CPZ: variants seen among roughly 807,000 people sequenced by gnomAD.
The protein encoded by CPZ is VEZT/CPZ fusion.
A neutral mutation model predicts 61.8 loss-of-function variants in CPZ; 103 were observed. The ratio of observed to expected loss-of-function variants is 1.67; its 90% CI spans 1.42 to 1.96. CPZ has a LOEUF of 1.96. Among genes scored for constraint, CPZ ranks in the 30% most tolerant of loss-of-function variants. CPZ has a pLI of 0.00. For missense variants in CPZ, 1,461 were observed against 914.9 expected, an observed-to-expected ratio of 1.60 and a Z score of -7.70; for synonymous variants, 551 against 373.7, an observed-to-expected ratio of 1.47 and a Z score of -5.47.
rs749931394 is a variant in CPZ, at chr4:8,606,145, C to G, written c.866C>G (p.Pro289Arg). ...AACACCACCCGCATCCACCTGCTGC[C>G]CTCCATGAACCCTGACGGCTATGAG... ...LLNTTRIHLL[P>R]SMNPDGYEVA... Residue 289 changes from proline (P) to arginine (R), a missense_variant, in exon 5 of 11, where the codon CCC becomes CGC. Transcript: ENST00000360986. The G allele has an allele frequency of 6.2e-7, 1 of 1,614,142 alleles. No homozygotes were observed. Among genetic ancestry groups the G allele is most frequent in the Non-Finnish European group, 8.5e-7 (1 of 1,180,026 alleles).
chr4:8,611,245 G>C (rs1184360157), intron 7 of CPZ: 1 of 456,142 alleles, frequency 2.2e-6, no homozygotes, highest in Non-Finnish European at 4.4e-6. Context: ...TCGCCTGCCT[G>C]ACCCACCAGG....
intron 1 of CPZ, among the ~76,000 whole-genome samples, chr4:8,593,135 T>G (rs1713920971): frequency 6.6e-6 from 1 of 152,102 alleles, no homozygotes. Context: ...CTCTACGGCA[T>G]CCAGGCCGGG....
intron 9 of CPZ, among the ~76,000 whole-genome samples, chr4:8,616,162 G>T (rs1051560737): frequency 6.6e-6 from 1 of 152,212 alleles, no homozygotes; most frequent in African/African-American, 2.4e-5. Context: ...TGAGACGGAC[G>T]TCTTACAGGA....
At chr4:8,608,112 G>T (rs1187766354) in intron 7 of CPZ, among the ~76,000 whole-genome samples, 4 of 150,456 alleles carry the variant, frequency 2.7e-5, no homozygotes, top group African/African-American at 9.8e-5. Context: ...GGGAGGGGTT[G>T]TGATCTGAGG....
intron 1 of CPZ, among the ~76,000 whole-genome samples, chr4:8,595,005 C>T (rs1714072430): frequency 2.0e-5 from 3 of 152,186 alleles, no homozygotes; most frequent in African/African-American, 7.2e-5. Context: ...ATCTCCTGAC[C>T]CCGTGATCCA....
Position 8,607,278 on chromosome 4 carries a change from G to C in CPZ, c.1080G>C (p.Glu360Asp). The change falls in exon 7 of 11, where the codon GAG becomes GAC. Residue 360 changes from glutamate to aspartate, a missense_variant. By Grantham distance (45) the Glu-to-Asp change is conservative (BLOSUM62 2). Coordinates refer to ENST00000360986, the MANE Select transcript of CPZ (RefSeq NM_001014447.3). ...QHYWWGKVAP[E>D]TKAIMKWMQT... ...TCTGTCCTGGGCAGGTGGCCCCGGAGACAAAGGCAATCATGAAGTGGATGC... is the reference window on the plus strand; with the variant it reads ...TCTGTCCTGGGCAGGTGGCCCCGGACACAAAGGCAATCATGAAGTGGATGC... The C allele has an allele frequency of 1.2e-6, 2 of 1,614,048 alleles. No individual in the cohort carries two copies.
rs139335228 is a variant in CPZ at position 8,601,356 on chromosome 4, C to T, written c.355C>T (p.Arg119Trp). 7.7e-5 allele frequency: 123 copies of T among 1,603,518 alleles called. No homozygotes were observed. Among genetic ancestry groups the T allele is most frequent in the East Asian group, 3.6e-4 (16 of 44,364 alleles). Residue 119 changes from arginine (R) to tryptophan (W), a missense_variant, in exon 3 of 11, where the codon CGG (arginine) becomes TGG (tryptophan). Coordinates refer to ENST00000360986, the MANE Select transcript of CPZ (RefSeq NM_001014447.3). ...GGGCGGCTGGGTGCGCAGACCCTGC[C>T]GGCACATCTGCGAGGGCCTGCGGGA... The part of the protein sequence containing the change: ...CEGGWVRRPC[R>W]HICEGLREVC...
chr4:8,607,313 C>G lies in CPZ; in HGVS notation c.1115C>G (p.Pro372Arg). The G allele has an allele frequency of 5.0e-6, 8 of 1,614,106 alleles. No individual in the cohort carries two copies. The highest frequency in any genetic ancestry group is 6.8e-6 in the Non-Finnish European group (8 of 1,179,978). ...ATCATGAAGTGGATGCAGACCATAC[C>G]CTTTGTGCTCTCAGCCAGCCTTCAT... Reference protein sequence around the residue: ...KAIMKWMQTIPFVLSASLHGG... With the variant: ...KAIMKWMQTIRFVLSASLHGG... The change falls in exon 7 of 11, where the codon CCC (proline) becomes CGC (arginine). Residue 372 changes from proline to arginine, a missense_variant. Coordinates refer to ENST00000360986, the MANE Select transcript of CPZ (RefSeq NM_001014447.3).
rs369326055 is a variant in CPZ at position 8,610,640 on chromosome 4, T to G, written c.1228-1387T>G. Among the ~76,000 whole-genome samples the G allele has an allele frequency of 2.6e-5, 4 of 152,266 alleles. No individual in the cohort carries two copies. The East Asian group carries it at 5.8e-4, about 22-fold the overall frequency. ...ATGTGGCCTGGGCAGATGGACCGTT[T>G]GTTGGATGTGATTCATTCTTGATGG... On this transcript the variant is annotated intron_variant, in intron 7 of 10. Transcript: ENST00000360986.
Position 8,619,428 on chromosome 4 carries a change from C to A in CPZ, c.1770C>A (p.Asn590Lys), listed in dbSNP as rs1380356985. Residue 590 changes from asparagine (N) to lysine (K), a missense_variant, in exon 11 of 11, where the codon AAC becomes AAA. Asn to Lys is a moderately conservative substitution (Grantham distance 94). Transcript: ENST00000360986. Reference sequence around the variant, plus strand: ...AACCTCTGGGGATGGGACCCAAGAACTTTATTCATGGGCTGCGGAGGACTG... The same window carrying A: ...AACCTCTGGGGATGGGACCCAAGAAATTTATTCATGGGCTGCGGAGGACTG... ...ILQPLGMGPK[N>K]FIHGLRRTGP... 1.2e-6 allele frequency: 2 copies of A among 1,614,024 alleles called. No homozygotes were observed. The highest frequency in any genetic ancestry group is 4.5e-5 in the East Asian group (2 of 44,882).
intron 8 of CPZ, 49 bp downstream of exon 8, chr4:8,612,211 G>GGGGGGGGGGT: frequency 4.6e-6 from 1 of 215,366 alleles, no homozygotes. Context: ...GGGTGCAGGG[G>GGGGGGGGGGT]CTGGGTGGGG....
At position 8,618,431 on chromosome 4, in the gene CPZ, G is replaced by C. The variant is rs1716388163; in HGVS notation, c.1506G>C (p.Val502=). ...TGGCCTCCCCTTGGTCTCTTCAGGTGCACCGGGGCATCAAAGGTGTGGTGA... is the reference window on the plus strand; with the variant it reads ...TGGCCTCCCCTTGGTCTCTTCAGGTCCACCGGGGCATCAAAGGTGTGGTGA... The part of the protein sequence containing the change: ...KESLLNFVET[V]HRGIKGVVTD... Residue 502 remains valine (V), a splice_region_variant and synonymous_variant, in exon 10 of 11, where the codon GTG becomes GTC. Coordinates refer to ENST00000360986, the MANE Select transcript of CPZ (RefSeq NM_001014447.3). The C allele has an allele frequency of 6.2e-7, 1 of 1,614,100 alleles. No individual in the cohort carries two copies.
chr4:8,612,312 C>A lies in CPZ; in HGVS notation c.1363+150C>A, dbSNP rs953411686. On this transcript the variant is annotated intron_variant, in intron 8 of 10. Coordinates refer to ENST00000360986, the MANE Select transcript of CPZ (RefSeq NM_001014447.3). Reference sequence around the variant, plus strand: ...GATGCCTCACCTGGTGGAGAGGAGGCTGGCGTGAGTTTTGTTTCTGTCTTG... The same window carrying A: ...GATGCCTCACCTGGTGGAGAGGAGGATGGCGTGAGTTTTGTTTCTGTCTTG... The A allele has an allele frequency of 7.2e-6, 5 of 693,888 alleles. No homozygotes were observed. The African/African-American group carries it at 7.3e-5, about 10-fold the overall frequency. The allele number at this position is 693,888 out of a possible 1,614,324, so 43.0% of individuals were successfully genotyped here. A position where few individuals can be genotyped will look rare whatever the true frequency, so the allele number is the denominator to read the frequency against.
intron 7 of CPZ, among the ~76,000 whole-genome samples, chr4:8,609,203 C>T (rs111065397): frequency 0.06 from 2,586 of 43,066 alleles, 53 homozygotes; most frequent in African/African-American, 0.2. Context: ...CACTCCCTCA[C>T]TCACTTACTC....
intron 1 of CPZ, among the ~76,000 whole-genome samples, chr4:8,594,239 A>T (rs1013410889): frequency 3.3e-5 from 5 of 152,128 alleles, no homozygotes; most frequent in Non-Finnish European, 7.4e-5. Flanking sequence ...TGTGGAAGTC[A>T]AGGACGTTTC....
intron 8 of CPZ, 122 bp from the exon 9 acceptor site, chr4:8,614,237 G>C: frequency 2.2e-6 from 3 of 1,366,324 alleles, no homozygotes; most frequent in Middle Eastern, 2.7e-4. Flanking sequence ...CGACGTCCCG[G>C]CTGTCTCTGC....
intron 1 of CPZ, among the ~76,000 whole-genome samples, chr4:8,595,254 C>T (rs529692452): frequency 4.9e-4 from 75 of 152,320 alleles, no homozygotes; most frequent in African/African-American, 1.3e-3. Flanking sequence ...ACGTGTGGCT[C>T]GTGGCTGCTG....
intron 7 of CPZ, among the ~76,000 whole-genome samples, chr4:8,611,704 G>T (rs1560300315): frequency 6.6e-6 from 1 of 152,140 alleles, no homozygotes; most frequent in South Asian, 2.1e-4. Flanking sequence ...ACACCCTGTG[G>T]ACACCATGTC....
At position 8,619,516 on chromosome 4, in the gene CPZ, C is replaced by T. The variant is rs143690050; in HGVS notation, c.1858C>T (p.Arg620Trp). 99 of 1,596,734 alleles carry T rather than the reference C, an allele frequency of 6.2e-5. No individual in the cohort carries two copies. The highest frequency in any genetic ancestry group is 1.9e-4 in the African/African-American group (14 of 74,544). The change falls in exon 11 of 11, where the codon CGG becomes TGG. Residue 620 changes from arginine to tryptophan, a missense_variant. Arg to Trp is a moderately radical substitution (Grantham distance 101, BLOSUM62 -3). Transcript: ENST00000360986. ...GGAGGCCACGGAGCCCGACCCGCTC[C>T]GGGCGCGCAGGCAGCCCTCGGCCGA... ...LGEATEPDPL[R>W]ARRQPSADGS...
Sources: allele counts gnomAD v4.1 joint callset (sites outside exome capture counted in the v4.1 genomes callset), GRCh38; gene constraint gnomAD v4.1.1; transcripts MANE v1.5; gene names NCBI Gene and HGNC (gene_info 2026-07-23, HGNC 2026-07-21).